The following UBE2F variants were observed in gnomAD, a reference collection of about 807,000 sequenced individuals.
The protein encoded by UBE2F is NEDD8-conjugating enzyme UBE2F.
UBE2F carries 5 observed loss-of-function variants against 29.6 expected under a neutral mutation model. The ratio of observed to expected loss-of-function variants is 0.17; its 90% CI spans 0.09 to 0.36. The LOEUF (loss-of-function observed/expected upper bound fraction) is 0.36. Among genes scored for constraint, UBE2F ranks in the 10% least tolerant of loss-of-function variants. The pLI is 1.00. For synonymous variants in UBE2F, 66 were observed against 81.8 expected, an observed-to-expected ratio of 0.81 and a Z score of 1.04; for missense variants, 141 against 228.5, an observed-to-expected ratio of 0.62 and a Z score of 2.47.
At chr2:238,032,134 A>C in intron 7 of UBE2F, 88 bp from the exon 8 acceptor site, 1 of 984,412 alleles carries the variant, frequency 1.0e-6, no homozygotes, top group Non-Finnish European at 1.6e-6. Flanking sequence ...GTTTTGATAC[A>C]GTGCAAAGCA....
At chr2:238,036,100 T>C (rs911851565) in intron 9 of UBE2F, among the ~76,000 whole-genome samples, 160 bp downstream of exon 9, 1 of 152,206 alleles carries the variant, frequency 6.6e-6, no homozygotes, top group Non-Finnish European at 1.5e-5. Flanking sequence ...ATAGTAAATG[T>C]GTGTAACCTC....
chr2:238,015,123 A>G (rs897122949), intron 4 of UBE2F, among the ~76,000 whole-genome samples: 2 of 152,244 alleles, frequency 1.3e-5, no homozygotes, highest in Non-Finnish European at 2.9e-5. Flanking sequence ...AGAAGAAAAT[A>G]TAAGAGGATA....
chr2:237,971,098 A>G (rs2063168406), intron 1 of UBE2F, among the ~76,000 whole-genome samples: 1 of 152,232 alleles, frequency 6.6e-6, no homozygotes, highest in South Asian at 2.1e-4. Flanking sequence ...GAAACTGTGT[A>G]AGAGACCTGG....
rs1044206891 is a variant in UBE2F, at chr2:237,973,593, A to G, written c.118+368A>G. On this transcript the variant is annotated intron_variant, in intron 2 of 9. Transcript: ENST00000272930. ...CTCAGCACCATAGTTTCTGCTCTGT[A>G]AAGGGGAAGGAGTCAAATTTTGTAA... 5 of 1,013,234 alleles carry G rather than the reference A, an allele frequency of 4.9e-6. No homozygotes were observed. In the Admixed American group the frequency reaches 9.9e-5, roughly 20 times the overall value. 62.8% of individuals were successfully genotyped at this position (1,013,234 alleles called of 1,614,324 possible). A position where few individuals can be genotyped will look rare whatever the true frequency, so the allele number is the denominator to read the frequency against.
chr2:238,026,696 G>T (rs993328211), intron 6 of UBE2F, among the ~76,000 whole-genome samples: 3 of 152,162 alleles, frequency 2.0e-5, no homozygotes, highest in Non-Finnish European at 4.4e-5. Context: ...GCCTCCTAGA[G>T]TGCTGGGGTT....
chr2:237,967,027 C>A lies in UBE2F; in HGVS notation c.-122C>A. On this transcript the variant is annotated 5_prime_UTR_variant, in exon 1 of 10. Transcript: ENST00000272930. The surrounding 1 kb of genome is among the most constrained non-coding windows in gnomAD (Gnocchi z 6.3). ...CCCCGCCCCGCCACTTCCGGTCCCG[C>A]CGCCGGGAGCCGGTGCGGCTGTGAG... 6 of 1,279,436 alleles carry A rather than the reference C, an allele frequency of 4.7e-6. No homozygotes were observed. The highest frequency in any genetic ancestry group is 2.2e-5 in the South Asian group (1 of 46,122). 79.3% of individuals were successfully genotyped at this position (1,279,436 alleles called of 1,614,324 possible). A position where few individuals can be genotyped will look rare whatever the true frequency, so the allele number is the denominator to read the frequency against.
At chr2:238,016,532 G>T in intron 4 of UBE2F, 34 bp from the exon 5 acceptor site, 3 of 1,562,310 alleles carry the variant, frequency 1.9e-6, no homozygotes, top group Non-Finnish European at 1.7e-6. Flanking sequence ...TTAATTTAAA[G>T]GATTTTTTTG....
At chr2:237,972,302 T>C (rs550246435) in intron 1 of UBE2F, among the ~76,000 whole-genome samples, 1 of 152,278 alleles carries the variant, frequency 6.6e-6, no homozygotes, top group South Asian at 2.1e-4. Flanking sequence ...GCTGCTTCAG[T>C]TGGTGATGGG....
intron 4 of UBE2F, among the ~76,000 whole-genome samples, chr2:238,011,201 C>T (rs1366008060): frequency 6.6e-6 from 1 of 152,226 alleles, no homozygotes; most frequent in Admixed American, 6.5e-5. Context: ...CCTGCAGGGC[C>T]CAACACCCTT....
At position 237,982,589 on chromosome 2, in the gene UBE2F, A is replaced by G. The variant is rs575743189; in HGVS notation, c.119-5374A>G. ...GCCACTGCCAGAGTCATGCCAGGGA[A>G]AGCTGGATTCCAGTGGCCAGCATCA... On this transcript the variant is annotated intron_variant, in intron 2 of 9. Transcript: ENST00000272930. The surrounding 1 kb of genome is among the most constrained non-coding windows in gnomAD (Gnocchi z 4.1). Among the ~76,000 whole-genome samples, 1 of 152,356 alleles carries G rather than the reference A, an allele frequency of 6.6e-6. No individual in the cohort carries two copies. Among genetic ancestry groups the G allele is most frequent in the East Asian group, 1.9e-4 (1 of 5,188 alleles).
chr2:237,997,511 C>G (rs2106357051), intron 4 of UBE2F, among the ~76,000 whole-genome samples: 1 of 152,302 alleles, frequency 6.6e-6, no homozygotes, highest in East Asian at 1.9e-4. Flanking sequence ...AATCCTGCTC[C>G]TCTTCATATT....
chr2:237,975,761 C>G (rs796438474), intron 2 of UBE2F, among the ~76,000 whole-genome samples: 1 of 152,132 alleles, frequency 6.6e-6, no homozygotes, highest in South Asian at 2.1e-4. Context: ...GCCTCAGTCT[C>G]CTGAGTAGCT....
At chr2:238,025,315 ATC>A (rs755519456) in intron 5 of UBE2F, 25 bp from the exon 6 acceptor site, 4 of 1,605,144 alleles carry the variant, frequency 2.5e-6, no homozygotes, top group East Asian at 4.5e-5. Flanking sequence ...TGTCGGCGTG[ATC>A]TCTCTCATTG....
chr2:238,035,692 GA>G (rs911705946), intron 8 of UBE2F, 185 bp from the exon 9 acceptor site: 4 of 547,896 alleles, frequency 7.3e-6, no homozygotes, highest in Admixed American at 6.5e-5. Context: ...TCACCATTTT[GA>G]AAAAAATACC....
intron 3 of UBE2F, among the ~76,000 whole-genome samples, chr2:237,988,650 A>G (rs1425298494): frequency 6.7e-6 from 1 of 148,992 alleles, no homozygotes; most frequent in Non-Finnish European, 1.5e-5. Context: ...AGGTTCTGCC[A>G]CCTTTCTGAG....
chr2:237,976,720 C>T (rs2063288605), intron 2 of UBE2F, among the ~76,000 whole-genome samples: 1 of 152,176 alleles, frequency 6.6e-6, no homozygotes, highest in African/African-American at 2.4e-5. Context: ...GAGGCCCCAC[C>T]TCTTAATACT....
At chr2:238,025,485 G>A in intron 6 of UBE2F, 73 bp downstream of exon 6, 2 of 1,358,778 alleles carry the variant, frequency 1.5e-6, no homozygotes, top group Non-Finnish European at 2.1e-6. Context: ...TAAACATGTT[G>A]TCTCCTCTGA....
At chr2:237,979,616 G>T (rs1426117126) in intron 2 of UBE2F, among the ~76,000 whole-genome samples, 2 of 152,188 alleles carry the variant, frequency 1.3e-5, no homozygotes, top group East Asian at 3.9e-4. Flanking sequence ...GTGGCCCAAG[G>T]GGAGGATGTA....
chr2:237,981,047 G>A (rs79907616), intron 2 of UBE2F, among the ~76,000 whole-genome samples: 3,934 of 152,240 alleles, frequency 0.026, 161 homozygotes, highest in African/African-American at 0.09. Context: ...GAAGTTATGC[G>A]GCCACGGAAT....
Sources: allele counts gnomAD v4.1 joint callset (sites outside exome capture counted in the v4.1 genomes callset), GRCh38; gene constraint gnomAD v4.1.1; non-coding constraint Gnocchi (gnomAD v3.1); transcripts MANE v1.5; gene names NCBI Gene and HGNC (gene_info 2026-07-23, HGNC 2026-07-21).